The following ABCA2 variants were observed in gnomAD, a reference collection of about 807,000 sequenced individuals.
ABCA2 encodes ATP binding cassette subfamily A member 2, also known as ATP-binding cassette sub-family A member 2.
ABCA2 carries 84 observed loss-of-function variants against 262.8 expected under a neutral mutation model. The ratio of observed to expected loss-of-function variants is 0.32; its 90% CI spans 0.27 to 0.38. The LOEUF (loss-of-function observed/expected upper bound fraction) is 0.38. Ranked by LOEUF, ABCA2 falls within the 10% of genes least tolerant of loss-of-function variation. ABCA2 has a pLI of 1.00. For synonymous variants in ABCA2, 1,696 were observed against 1,502.9 expected (o/e 1.13, Z -2.97); for missense variants, 2,662 against 3,405.9 (o/e 0.78, Z 5.44).
At chr9:137,023,094 GGAGA>G (rs143669673) in intron 3 of ABCA2, 42 bp from the exon 4 acceptor site, 34 of 1,422,630 alleles carry the variant, frequency 2.4e-5, no homozygotes, top group Non-Finnish European at 3.1e-5. Context: ...GGGTGAAAGG[GGAGA>G]GAGAGAGAGA....
Position 137,025,405 on chromosome 9 carries a change from C to G in ABCA2, c.67-1169G>C, listed in dbSNP as rs117290495. Among the ~76,000 whole-genome samples the G allele has an allele frequency of 9.4e-3, 1,430 of 152,356 alleles. 16 individuals are homozygous for G. Among genetic ancestry groups the G allele is most frequent in the East Asian group, 0.028 (144 of 5,182 alleles). On this transcript the variant is annotated intron_variant, in intron 1 of 48. Transcript: ENST00000341511. ...CCCTAGCCCGAGGGCGAGCACCCAG[C>G]TCGGAGGCATCCTTTGTCCTCATCC...
In ABCA2 at chr9:137,018,237, C is replaced by T. The variant is rs765486792; in HGVS notation, c.1934G>A (p.Arg645Gln). 1.2e-6 allele frequency: 2 copies of T among 1,610,388 alleles called. No homozygotes were observed. Among genetic ancestry groups the T allele is most frequent in the Non-Finnish European group, 1.7e-6 (2 of 1,179,542 alleles). Residue 645 changes from arginine (R) to glutamine (Q), a missense_variant, in exon 14 of 49, where the codon CGG (arginine) becomes CAG (glutamine). Physicochemically the swap from Arg to Gln is conservative, Grantham distance 43. Coordinates refer to ENST00000341511, the MANE Select transcript of ABCA2 (RefSeq NM_001606.5). ...GCGGCCGCCAGTATTGGGCCCAGGCCGCCAGTAGGCGCGGCGGATCTCGTT... is the reference window on the plus strand; with the variant it reads ...GCGGCCGCCAGTATTGGGCCCAGGCTGCCAGTAGGCGCGGCGGATCTCGTT... ...KTNEIRRAYW[R>Q]PGPNTGGRFY...
chr9:137,028,898 A>G (rs1831762545), upstream of ABCA2: 3 of 1,304,758 alleles, frequency 2.3e-6, no homozygotes, highest in Non-Finnish European at 3.0e-6. The surrounding 1 kb of genome is among the most constrained non-coding windows in gnomAD (Gnocchi z 6.9). Flanking sequence ...GTCTCTGCAC[A>G]GGGAGTTCGG....
chr9:137,020,339 G>A lies in ABCA2; in HGVS notation c.1422C>T (p.Leu474=). The part of the protein sequence containing the change: ...PAGSEVDRVI[L]KANETFAFVG... ...GGAGCGTCCCAGACCCGTGCACCTT[G>A]AGGATGACGCGGTCGACCTCAGAGC... The change falls in exon 10 of 49, where the codon CTC becomes CTT. Residue 474 remains leucine, a synonymous_variant. Transcript: ENST00000341511. The A allele has an allele frequency of 1.2e-6, 2 of 1,612,410 alleles. No individual in the cohort carries two copies. Among genetic ancestry groups the A allele is most frequent in the South Asian group, 1.1e-5 (1 of 91,084 alleles).
chr9:137,011,604 G>A lies in ABCA2; in HGVS notation c.5651+30C>T, dbSNP rs755672042. ...TCACCAGGCAGCCCCGGTCCCACCT[G>A]AGGCCGCTCCCCCCTCCGCTTCCGC... On this transcript the variant is annotated intron_variant, in intron 36 of 48. Coordinates refer to ENST00000341511, the MANE Select transcript of ABCA2 (RefSeq NM_001606.5). This position sits in a 1 kb window ranked among gnomAD's most constrained non-coding sequence, Gnocchi z 8.8. The A allele has an allele frequency of 2.1e-5, 32 of 1,554,786 alleles. No homozygotes were observed. The highest frequency in any genetic ancestry group is 4.8e-5 in the East Asian group (2 of 41,246).
In ABCA2 at chr9:137,015,556, A is replaced by G. The variant is rs1372173421; in HGVS notation, c.3555T>C (p.Ala1185=). The stretch of plus-strand genomic sequence containing the variant: ...TGGCAATGCGGTCCCCAAGCAGGTC[A>G]GCCTCATCCATGTGGTGGGTGGACA... ...ILLSTHHMDE[A]DLLGDRIAII... Residue 1185 remains alanine, a synonymous_variant, in exon 24 of 49, where the codon GCT becomes GCC. Coordinates refer to ENST00000341511, the MANE Select transcript of ABCA2 (RefSeq NM_001606.5). 2.5e-6 allele frequency: 4 copies of G among 1,612,566 alleles called. No individual in the cohort carries two copies. The highest frequency in any genetic ancestry group is 2.5e-6 in the Non-Finnish European group (3 of 1,179,810).
At position 137,016,751 on chromosome 9, in the gene ABCA2, G is replaced by A; in HGVS notation, c.2759-13C>T. The A allele has an allele frequency of 6.5e-7, 1 of 1,537,808 alleles. No homozygotes were observed. Among genetic ancestry groups the A allele is most frequent in the Non-Finnish European group, 8.7e-7 (1 of 1,145,898 alleles). ...AGCCCGTACATGCCTGGGGGTCGGG[G>A]AGGGGAGGGGAGGCTGACCTAGGGC... On this transcript the variant is annotated splice_polypyrimidine_tract_variant and intron_variant, in intron 19 of 48. Coordinates refer to ENST00000341511, the MANE Select transcript of ABCA2 (RefSeq NM_001606.5).
At chr9:137,014,520 T>C in intron 26 of ABCA2, 116 bp from the exon 27 acceptor site, 1 of 1,443,618 alleles carries the variant, frequency 6.9e-7, no homozygotes, top group African/African-American at 1.4e-5. Flanking sequence ...GTCCGGGACC[T>C]CTGGCCACCA....
rs1389843121 is a variant in ABCA2 at position 137,009,616 on chromosome 9, T to C, written c.6659A>G (p.Lys2220Arg). ...GAGGTTCCAGAGGAAGCGCCGGGCC[T>C]TGGGGTCCATGCCTGTGGTGGGCTC... ...LDEPTTGMDP[K>R]ARRFLWNLIL... Residue 2220 changes from lysine to arginine, a missense_variant, in exon 44 of 49, where the codon AAG becomes AGG. By Grantham distance (26) the Lys-to-Arg change is conservative (BLOSUM62 2). This residue lies in a region of ABCA2 where 602 missense variants were observed against 897.4 expected (regional missense o/e 0.67). Coordinates refer to ENST00000341511, the MANE Select transcript of ABCA2 (RefSeq NM_001606.5). 6.2e-7 allele frequency: 1 copy of C among 1,612,960 alleles called. No homozygotes were observed. Among genetic ancestry groups the C allele is most frequent in the Admixed American group, 1.7e-5 (1 of 60,016 alleles).
At chr9:137,028,572 C>T (rs926253043), upstream of ABCA2, 2 of 765,254 alleles carry the variant, frequency 2.6e-6, no homozygotes, top group East Asian at 1.3e-4. The surrounding 1 kb of genome is among the most constrained non-coding windows in gnomAD (Gnocchi z 6.9). Context: ...GCTGCGCCCA[C>T]CGCGCTGGCG....
In ABCA2 at chr9:137,017,780, C is replaced by T. The variant is rs758611687; in HGVS notation, c.2211+7G>A. The T allele has an allele frequency of 8.1e-6, 13 of 1,612,208 alleles. No individual in the cohort carries two copies. The highest frequency in any genetic ancestry group is 4.4e-5 in the South Asian group (4 of 91,072). On this transcript the variant is annotated splice_region_variant and intron_variant, in intron 16 of 48. Transcript: ENST00000341511. ...CGCGCCTCCAGGGAGAGTCCCGGCC[C>T]GCGCACCTCCTTGAGCCGGTGCTCC...
At chr9:137,026,978 G>A (rs1831673758) in intron 1 of ABCA2, among the ~76,000 whole-genome samples, 1 of 152,256 alleles carries the variant, frequency 6.6e-6, no homozygotes, top group Non-Finnish European at 1.5e-5. Context: ...AATTCTGCCA[G>A]CCATGGTGAT....
intron 43 of ABCA2, 50 bp downstream of exon 43, chr9:137,009,719 A>G: frequency 6.2e-7 from 1 of 1,609,374 alleles, no homozygotes. Flanking sequence ...GCCCGTGCTC[A>G]CCAGGAAGTC....
chr9:137,007,711 C>A lies in ABCA2; in HGVS notation c.*218G>T. On this transcript the variant is annotated 3_prime_UTR_variant, in exon 49 of 49. Transcript: ENST00000341511. ...CAAAGCAGGGCAAGGGTGTACGCAGCCCGGGCCGGGTCAGCCTTTGGCACA... is the reference window on the plus strand; with the variant it reads ...CAAAGCAGGGCAAGGGTGTACGCAGACCGGGCCGGGTCAGCCTTTGGCACA... 2 of 655,874 alleles carry A rather than the reference C, an allele frequency of 3.0e-6. No homozygotes were observed. Among genetic ancestry groups the A allele is most frequent in the Non-Finnish European group, 5.3e-6 (2 of 376,694 alleles). 40.6% of individuals were successfully genotyped at this position (655,874 alleles called of 1,614,324 possible).
intron 45 of ABCA2, 106 bp from the exon 46 acceptor site, chr9:137,009,159 T>G: frequency 1.1e-6 from 1 of 951,580 alleles, no homozygotes; most frequent in Non-Finnish European, 1.4e-6. Flanking sequence ...GGAAGCCCCA[T>G]AGCCTCCCAC....
chr9:137,008,562 GCGGCTC>G lies in ABCA2; in HGVS notation c.7123_7128del (p.Glu2375_Pro2376del). On this transcript the variant is annotated inframe_deletion, in exon 48 of 49. Transcript: ENST00000341511. ...CCGAGAGGGGACTGCAGTGCGGATG[GCGGCTC>G]CGTCTCCTGCTGCTCCAGGTTGTCA... 1 of 1,608,194 alleles carries G rather than the reference GCGGCTC, an allele frequency of 6.2e-7. No homozygotes were observed. The highest frequency in any genetic ancestry group is 8.5e-7 in the Non-Finnish European group (1 of 1,178,002).
chr9:137,020,524 G>A, intron 9 of ABCA2, 29 bp from the exon 10 acceptor site: 4 of 1,562,126 alleles, frequency 2.6e-6, no homozygotes, highest in Non-Finnish European at 3.5e-6. Flanking sequence ...GGCCGGGCCA[G>A]GCCGTTAGGG....
rs757325785 is a variant in ABCA2 at position 137,010,207 on chromosome 9, G to A, written c.6339C>T (p.Phe2113=). ...TCCCGCCCCACCTGTGTCCATTGACGAAGGCCTCGCCCCCCGTCGTGCTCT... is the reference window on the plus strand; with the variant it reads ...TCCCGCCCCACCTGTGTCCATTGACAAAGGCCTCGCCCCCCGTCGTGCTCT... The part of the protein sequence containing the change: ...GDESTTGGEA[F]VNGHSVLKEL... Residue 2113 remains phenylalanine, a synonymous_variant, in exon 41 of 49, where the codon TTC becomes TTT. Transcript: ENST00000341511. 11 of 1,603,646 alleles carry A rather than the reference G, an allele frequency of 6.9e-6. No homozygotes were observed. The highest frequency in any genetic ancestry group is 3.3e-5 in the South Asian group (3 of 90,694).
intron 40 of ABCA2, 73 bp downstream of exon 40, chr9:137,010,546 TC>T: frequency 8.9e-7 from 1 of 1,122,522 alleles, no homozygotes; most frequent in Non-Finnish European, 1.2e-6. Context: ...AGGCTCCACC[TC>T]CACTGCTGGG....
Sources: allele counts gnomAD v4.1 joint callset (sites outside exome capture counted in the v4.1 genomes callset), GRCh38; gene constraint gnomAD v4.1.1; regional missense constraint gnomAD v4.1.1; non-coding constraint Gnocchi (gnomAD v3.1); transcripts MANE v1.5; gene names NCBI Gene and HGNC (gene_info 2026-07-23, HGNC 2026-07-21).